The following TMBIM4 variants were observed in gnomAD, a reference collection of about 807,000 sequenced individuals.
TMBIM4 encodes transmembrane BAX inhibitor motif containing 4.
In TMBIM4, 28 loss-of-function variants were observed where a neutral mutation model predicts 27.7. That is an observed-to-expected ratio of 1.01 (90% CI 0.75 to 1.38). The LOEUF (loss-of-function observed/expected upper bound fraction) is 1.38, where lower values mean the gene tolerates loss of function less well. TMBIM4 is among the 40% of genes most tolerant of loss of function. TMBIM4 has a pLI of 0.00. For missense variants in TMBIM4, 265 were observed against 277.5 expected, an observed-to-expected ratio of 0.95 and a Z score of 0.32; for synonymous variants, 115 against 113.1, an observed-to-expected ratio of 1.02 and a Z score of -0.11.
At chr12:66,141,035 C>T (rs1250203189) in intron 5 of TMBIM4, among the ~76,000 whole-genome samples, 2 of 151,842 alleles carry the variant, frequency 1.3e-5, no homozygotes, top group African/African-American at 4.8e-5. Context: ...TTACACCCAG[C>T]AAAAATAACT....
Position 66,145,877 on chromosome 12 carries a change from A to G in TMBIM4, c.428T>C (p.Leu143Pro), listed in dbSNP as rs747540602. The change falls in exon 5 of 7, where the codon CTA (leucine) becomes CCA (proline). Residue 143 changes from leucine to proline, a missense_variant. By Grantham distance (98) the Leu-to-Pro change is moderately conservative. Transcript: ENST00000358230. ...TTTGCTGAAATCCTTCTTAGATTGT[A>G]GAGTATACACAGTCAAACCAAAAAA... Reference protein sequence around the residue: ...TVFFGLTVYTLQSKKDFSKFG... With the variant: ...TVFFGLTVYTPQSKKDFSKFG... 1 of 1,607,334 alleles carries G rather than the reference A, an allele frequency of 6.2e-7. No individual in the cohort carries two copies. The highest frequency in any genetic ancestry group is 1.3e-5 in the African/African-American group (1 of 74,698).
intron 1 of TMBIM4, among the ~76,000 whole-genome samples, chr12:66,156,244 CA>C (rs562490286): frequency 6.6e-6 from 1 of 152,192 alleles, no homozygotes; most frequent in Non-Finnish European, 1.5e-5. Flanking sequence ...TTCTATTTGA[CA>C]TCTCAAAACT....
intron 4 of TMBIM4, among the ~76,000 whole-genome samples, chr12:66,147,100 C>T (rs1456121582): frequency 6.6e-6 from 1 of 151,872 alleles, no homozygotes; most frequent in Non-Finnish European, 1.5e-5. Context: ...CTTCCTTTCT[C>T]TGTTAAGAAG....
intron 1 of TMBIM4, among the ~76,000 whole-genome samples, chr12:66,154,918 A>G (rs1015632768): frequency 1.3e-5 from 2 of 152,204 alleles, no homozygotes; most frequent in Non-Finnish European, 2.9e-5. Context: ...TGTCCTAAAC[A>G]GATTTTACTG....
intron 2 of TMBIM4, 102 bp downstream of exon 2, chr12:66,153,238 T>A: frequency 1.4e-6 from 1 of 726,790 alleles, no homozygotes; most frequent in Non-Finnish European, 2.3e-6. Flanking sequence ...TTTTACATTT[T>A]AACCTCAAAA....
intron 1 of TMBIM4, among the ~76,000 whole-genome samples, chr12:66,167,212 T>C (rs1258081676): frequency 4.6e-5 from 7 of 152,174 alleles, no homozygotes; most frequent in Admixed American, 2.0e-4. Context: ...GTCAAACTCA[T>C]AGAATATACA....
intron 1 of TMBIM4, among the ~76,000 whole-genome samples, chr12:66,158,806 G>A (rs2051989803): frequency 6.6e-6 from 1 of 152,178 alleles, no homozygotes; most frequent in Admixed American, 6.5e-5. Flanking sequence ...TAAGTTTTCT[G>A]AAGAATTATA....
chr12:66,155,340 G>A (rs1362753558), intron 1 of TMBIM4, among the ~76,000 whole-genome samples: 1 of 131,196 alleles, frequency 7.6e-6, no homozygotes, highest in Non-Finnish European at 1.5e-5. Context: ...ACGTGTGAGA[G>A]AGAGAGAGAG....
In TMBIM4 at chr12:66,137,738, C is replaced by A; in HGVS notation, c.*222G>T. ...AATTTTGATAGCTCTTAACTGAGAT[C>A]CTAAATCAAGGATTTAGAAATGAGG... On this transcript the variant is annotated 3_prime_UTR_variant, in exon 7 of 7. Transcript: ENST00000358230. 2.1e-6 allele frequency: 1 copy of A among 482,512 alleles called. No homozygotes were observed. Among genetic ancestry groups the A allele is most frequent in the Non-Finnish European group, 3.7e-6 (1 of 270,442 alleles). 29.9% of individuals were successfully genotyped at this position (482,512 alleles called of 1,614,324 possible).
At chr12:66,158,023 A>G (rs529201231) in intron 1 of TMBIM4, among the ~76,000 whole-genome samples, 2 of 152,004 alleles carry the variant, frequency 1.3e-5, no homozygotes, top group South Asian at 2.1e-4. Flanking sequence ...TTAGGAGATC[A>G]AGACCATCCT....
chr12:66,147,317 AG>A (rs991216727), intron 4 of TMBIM4, among the ~76,000 whole-genome samples: 5 of 152,140 alleles, frequency 3.3e-5, no homozygotes, highest in Non-Finnish European at 7.4e-5. Flanking sequence ...TTGGTACTCA[AG>A]GTTAACCATT....
chr12:66,144,584 G>A (rs756123395), intron 5 of TMBIM4, among the ~76,000 whole-genome samples: 36 of 152,068 alleles, frequency 2.4e-4, no homozygotes, highest in Admixed American at 7.9e-4. Flanking sequence ...GGAAAACATC[G>A]TAAGCCATGA....
chr12:66,165,474 G>A (rs2052110743), intron 1 of TMBIM4, among the ~76,000 whole-genome samples: 1 of 148,838 alleles, frequency 6.7e-6, no homozygotes, highest in Non-Finnish European at 1.5e-5. Flanking sequence ...CTGGAGTGCA[G>A]TGGCACAATC....
chr12:66,169,290 T>A (rs1327751471), intron 1 of TMBIM4: 3 of 698,888 alleles, frequency 4.3e-6, no homozygotes, highest in Non-Finnish European at 7.8e-6. Flanking sequence ...TTAGACTGAC[T>A]TAGGAAGCTT....
intron 2 of TMBIM4, among the ~76,000 whole-genome samples, chr12:66,152,599 G>A (rs1229222962): frequency 6.6e-6 from 1 of 151,856 alleles, no homozygotes; most frequent in Non-Finnish European, 1.5e-5. Flanking sequence ...AAATGAATGG[G>A]GGAAACTTTT....
intron 1 of TMBIM4, among the ~76,000 whole-genome samples, chr12:66,166,438 C>A (rs2052128322): frequency 1.5e-5 from 2 of 133,114 alleles, no homozygotes; most frequent in Admixed American, 8.6e-5. Flanking sequence ...GCACTCCAGT[C>A]TGAGAGACAG....
intron 1 of TMBIM4, among the ~76,000 whole-genome samples, chr12:66,164,271 GA>G (rs982763208): frequency 1.3e-5 from 2 of 151,980 alleles, no homozygotes; most frequent in African/African-American, 4.8e-5. Context: ...CATTTTCTTA[GA>G]AAAAAACATT....
At chr12:66,169,089 A>G (rs2052186043) in intron 1 of TMBIM4, 2 of 527,878 alleles carry the variant, frequency 3.8e-6, no homozygotes, top group African/African-American at 2.0e-5. Context: ...TTCTTAGCAC[A>G]TCAGAACTAT....
At chr12:66,138,365 T>C in intron 6 of TMBIM4, 199 bp from the exon 7 acceptor site, 5 of 746,168 alleles carry the variant, frequency 6.7e-6, no homozygotes, top group Non-Finnish European at 8.2e-6. Flanking sequence ...TGAGTGGTTA[T>C]ATTCCATTAA....
Sources: allele counts gnomAD v4.1 joint callset (sites outside exome capture counted in the v4.1 genomes callset), GRCh38; gene constraint gnomAD v4.1.1; transcripts MANE v1.5; gene names NCBI Gene and HGNC (gene_info 2026-07-23, HGNC 2026-07-21).